Variants in USP6NL observed in about 807,000 individuals in gnomAD.
The protein encoded by USP6NL is USP6 N-terminal like.
USP6NL carries 26 observed loss-of-function variants against 61.9 expected under a neutral mutation model. The ratio of observed to expected loss-of-function variants is 0.42; its 90% CI spans 0.31 to 0.58. The LOEUF (loss-of-function observed/expected upper bound fraction) is 0.58. Ranked by LOEUF, USP6NL falls within the 20% of genes least tolerant of loss-of-function variation. The probability of loss-of-function intolerance (pLI) is 0.16; values close to 1 mark genes in which losing one functional copy is unlikely to be tolerated. For synonymous variants in USP6NL, 432 were observed against 390.1 expected, an observed-to-expected ratio of 1.11 and a Z score of -1.27; for missense variants, 1,114 against 1,034.3, an observed-to-expected ratio of 1.08 and a Z score of -1.06.
intron 14 of USP6NL, among the ~76,000 whole-genome samples, chr10:11,473,323 C>G (rs949112513): frequency 6.6e-6 from 1 of 152,174 alleles, no homozygotes; most frequent in African/African-American, 2.4e-5. Flanking sequence ...AACTTTCTGT[C>G]TAATAGAGAC....
In USP6NL at chr10:11,463,132, A is replaced by C; in HGVS notation, c.1796T>G (p.Val599Gly). Residue 599 changes from valine (V) to glycine (G), a missense_variant, in exon 15 of 15, where the codon GTA becomes GGA. Transcript: ENST00000609104. The surrounding 1 kb of genome is among the most constrained non-coding windows in gnomAD (Gnocchi z 6.3). ...HAEPSSSPSK[V>G]SNKFTFKVQP... ...TACTTTAAAAGTAAACTTGTTGGAT[A>C]CTTTTGATGGACTAGAACTTGGCTC... The C allele has an allele frequency of 6.2e-7, 1 of 1,613,868 alleles. No individual in the cohort carries two copies. The highest frequency in any genetic ancestry group is 1.1e-5 in the South Asian group (1 of 91,060).
rs182953912 is a variant in USP6NL at position 11,607,736 on chromosome 10, T to C, written c.-84+3707A>G. Among the ~76,000 whole-genome samples, 30 of 152,294 alleles carry C rather than the reference T, an allele frequency of 2.0e-4. No individual in the cohort carries two copies. In the East Asian group the frequency reaches 5.0e-3, roughly 25 times the overall value. On this transcript the variant is annotated intron_variant, in intron 1 of 14. Transcript: ENST00000609104. ...AATAATTTGCCATCACTGATCTACA[T>C]AACATTACTAACAGCAAAACTAATA... is the stretch of plus-strand genomic sequence containing the variant.
In USP6NL at chr10:11,537,296, G is replaced by A. The variant is rs958607801; in HGVS notation, c.5-9729C>T. On this transcript the variant is annotated intron_variant, in intron 2 of 14. Coordinates refer to ENST00000609104, the MANE Select transcript of USP6NL (RefSeq NM_014688.5). The surrounding 1 kb of genome is among the most constrained non-coding windows in gnomAD (Gnocchi z 5.1). ...CTAGCTAATACTTGTATTTTTTGTC[G>A]AGACGGGATTTTGCCATGTTGCCCT... Among the ~76,000 whole-genome samples the A allele has an allele frequency of 3.9e-5, 6 of 152,000 alleles. No homozygotes were observed. Among genetic ancestry groups the A allele is most frequent in the Non-Finnish European group, 7.4e-5 (5 of 68,000 alleles).
At chr10:11,519,912 CA>C in intron 4 of USP6NL, among the ~76,000 whole-genome samples, 2 of 152,276 alleles carry the variant, frequency 1.3e-5, no homozygotes, top group South Asian at 4.1e-4. Flanking sequence ...CTCTTGAGAT[CA>C]AATAATATAT....
intron 14 of USP6NL, among the ~76,000 whole-genome samples, chr10:11,479,256 A>T (rs1279987049): frequency 6.6e-6 from 1 of 152,188 alleles, no homozygotes; most frequent in Non-Finnish European, 1.5e-5. Flanking sequence ...GCAACACATA[A>T]TAAACTGGCT....
At chr10:11,556,278 C>T (rs916727321) in intron 2 of USP6NL, among the ~76,000 whole-genome samples, 2 of 152,012 alleles carry the variant, frequency 1.3e-5, no homozygotes, top group Non-Finnish European at 2.9e-5. Flanking sequence ...TCTAGGGTAA[C>T]ACTAAAGAAT....
At chr10:11,546,568 A>ATTGTTG (rs5783219) in intron 2 of USP6NL, among the ~76,000 whole-genome samples, 2 of 151,298 alleles carry the variant, frequency 1.3e-5, no homozygotes, top group East Asian at 2.0e-4. Context: ...TGTCCGGCTA[A>ATTGTTG]TTGTTGTTGT....
intron 1 of USP6NL, among the ~76,000 whole-genome samples, chr10:11,607,132 G>A (rs1022758841): frequency 2.6e-5 from 4 of 151,966 alleles, no homozygotes; most frequent in African/African-American, 9.7e-5. Context: ...GTTATTATAG[G>A]CCAATTCATT....
intron 6 of USP6NL, among the ~76,000 whole-genome samples, chr10:11,507,876 T>C (rs74846679): frequency 0.033 from 4,951 of 152,290 alleles, 124 homozygotes; most frequent in Middle Eastern, 0.085. Flanking sequence ...TTAAATGCCT[T>C]TCCCAAGGTC....
intron 14 of USP6NL, among the ~76,000 whole-genome samples, chr10:11,479,695 C>A (rs1210665847): frequency 6.6e-6 from 1 of 151,654 alleles, no homozygotes; most frequent in Non-Finnish European, 1.5e-5. Flanking sequence ...CCTGCCTCAA[C>A]TTCCCGAGTA....
intron 13 of USP6NL, among the ~76,000 whole-genome samples, chr10:11,484,193 T>A (rs1486550053): frequency 6.6e-6 from 1 of 152,202 alleles, no homozygotes; most frequent in Non-Finnish European, 1.5e-5. Context: ...CGTGTACGTA[T>A]GAAGCTCTAG....
At chr10:11,552,464 C>T (rs1450979663) in intron 2 of USP6NL, among the ~76,000 whole-genome samples, 6 of 152,202 alleles carry the variant, frequency 3.9e-5, no homozygotes, top group Admixed American at 1.3e-4. Context: ...AGTTTTGCCA[C>T]ATGCATAACA....
In USP6NL at chr10:11,585,061, T is replaced by C. The variant is rs1304890430; in HGVS notation, c.4+12570A>G. Among the ~76,000 whole-genome samples the C allele has an allele frequency of 6.6e-6, 1 of 152,236 alleles. No individual in the cohort carries two copies. Among genetic ancestry groups the C allele is most frequent in the Non-Finnish European group, 1.5e-5 (1 of 68,050 alleles). The stretch of plus-strand genomic sequence containing the variant: ...GCATTCAAAGTTAAAATCTGTGATT[T>C]TTCCATAATCATTTTGGGAGAAAAG... On this transcript the variant is annotated intron_variant, in intron 2 of 14. Transcript: ENST00000609104. The surrounding 1 kb of genome is among the most constrained non-coding windows in gnomAD (Gnocchi z 4.5).
Position 11,499,770 on chromosome 10 carries a change from T to G in USP6NL, c.384+1331A>C, listed in dbSNP as rs1250419903. Among the ~76,000 whole-genome samples the G allele has an allele frequency of 6.6e-6, 1 of 152,220 alleles. No individual in the cohort carries two copies. Among genetic ancestry groups the G allele is most frequent in the African/African-American group, 2.4e-5 (1 of 41,464 alleles). On this transcript the variant is annotated intron_variant, in intron 7 of 14. Transcript: ENST00000609104. This position sits in a 1 kb window ranked among gnomAD's most constrained non-coding sequence, Gnocchi z 4.5. ...AAGTGTTGTCCTGCTGACACCTTAA[T>G]TTTGGACTTCTGTCCTCAAGAACTG...
chr10:11,505,350 T>C (rs1056304329), intron 6 of USP6NL, among the ~76,000 whole-genome samples: 5 of 152,222 alleles, frequency 3.3e-5, no homozygotes, highest in African/African-American at 4.8e-5. Flanking sequence ...TCATTCATTG[T>C]AATATTACTG....
Position 11,596,524 on chromosome 10 carries a change from T to C in USP6NL, c.4+1107A>G, listed in dbSNP as rs1224668274. Among the ~76,000 whole-genome samples the C allele has an allele frequency of 6.6e-6, 1 of 150,926 alleles. No homozygotes were observed. The highest frequency in any genetic ancestry group is 2.4e-5 in the African/African-American group (1 of 40,862). ...CTGTAGTCCCAGCTACTCGGGAGGC[T>C]GAGGCAGGAGAATGGCGCGAACCCA... On this transcript the variant is annotated intron_variant, in intron 2 of 14. Coordinates refer to ENST00000609104, the MANE Select transcript of USP6NL (RefSeq NM_014688.5). This position sits in a 1 kb window ranked among gnomAD's most constrained non-coding sequence, Gnocchi z 4.1.
At chr10:11,580,265 T>C (rs934018664) in intron 2 of USP6NL, among the ~76,000 whole-genome samples, 1 of 152,200 alleles carries the variant, frequency 6.6e-6, no homozygotes, top group African/African-American at 2.4e-5. Flanking sequence ...TTAAACAATA[T>C]AATTTCTAAA....
Position 11,600,134 on chromosome 10 carries a change from C to T in USP6NL, c.-83-2417G>A, listed in dbSNP as rs142159882. Among the ~76,000 whole-genome samples, 90 of 152,168 alleles carry T rather than the reference C, an allele frequency of 5.9e-4. No individual in the cohort carries two copies. Among genetic ancestry groups the T allele is most frequent in the African/African-American group, 2.0e-3 (84 of 41,510 alleles). On this transcript the variant is annotated intron_variant, in intron 1 of 14. Transcript: ENST00000609104. The surrounding 1 kb of genome is among the most constrained non-coding windows in gnomAD (Gnocchi z 4.1). ...CTTACTTTCTGTTTTTCACACCATC[C>T]AACAGGGAAAAAGTAATGTCTTAAA... is the stretch of plus-strand genomic sequence containing the variant.
intron 1 of USP6NL, among the ~76,000 whole-genome samples, chr10:11,608,284 TC>T (rs1468304824): frequency 2.0e-5 from 3 of 152,220 alleles, no homozygotes; most frequent in Non-Finnish European, 4.4e-5. Context: ...CAAGAGTCAC[TC>T]CCAGGTCTGG....
Sources: gnomAD v4.1 joint callset for allele counts (sites outside exome capture counted in the v4.1 genomes callset) on GRCh38, gnomAD v4.1.1 for gene constraint, Gnocchi (gnomAD v3.1) non-coding constraint, MANE v1.5 for transcripts, NCBI Gene and HGNC (gene_info 2026-07-23, HGNC 2026-07-21) for gene names.